COMMD8: variants seen among roughly 807,000 people sequenced by gnomAD.
The protein encoded by COMMD8 is COMM domain containing 8.
In COMMD8, 28 loss-of-function variants were observed where a neutral mutation model predicts 27.2. The observed-to-expected ratio is 1.03, with a 90% CI of 0.76 to 1.41. The LOEUF is 1.41. Ranked by LOEUF, COMMD8 falls within the 40% of genes most tolerant of loss-of-function variation. The pLI, the probability that COMMD8 is intolerant of heterozygous loss-of-function variation, is 0.00. For missense variants in COMMD8, 217 were observed against 211.2 expected, an observed-to-expected ratio of 1.03 and a Z score of -0.17; for synonymous variants, 79 against 75.5, an observed-to-expected ratio of 1.05 and a Z score of -0.24.
intron 1 of COMMD8, 71 bp downstream of exon 1, chr4:47,463,515 C>T (rs1730123280): frequency 4.8e-6 from 7 of 1,446,908 alleles, no homozygotes; most frequent in Non-Finnish European, 6.5e-6. Flanking sequence ...GGGTCGCACC[C>T]GGCCTGATCC....
Position 47,453,063 on chromosome 4 carries a change from T to C in COMMD8, c.527A>G (p.Asn176Ser), listed in dbSNP as rs778564004. Residue 176 changes from asparagine (N) to serine (S), a missense_variant, in exon 4 of 5, where the codon AAT (asparagine) becomes AGT (serine). Transcript: ENST00000381571. ...QNLIQSLEAA[N>S]KVVLQLK ...TGACAAAATTATAGCAAATACCTTA[T>C]TCGCTGCTTCCAAGGACTGTATTAG... 34 of 1,599,688 alleles carry C rather than the reference T, an allele frequency of 2.1e-5. No homozygotes were observed. The highest frequency in any genetic ancestry group is 2.6e-5 in the Non-Finnish European group (31 of 1,174,632).
chr4:47,463,272 A>G (rs1301083490), intron 1 of COMMD8, among the ~76,000 whole-genome samples: 2 of 152,140 alleles, frequency 1.3e-5, no homozygotes, highest in Admixed American at 1.3e-4. Context: ...TTGGGAGGTT[A>G]TGTGTTGAAT....
At chr4:47,463,551 G>C (rs568325979) in intron 1 of COMMD8, 35 bp downstream of exon 1, 112 of 1,534,348 alleles carry the variant, frequency 7.3e-5, no homozygotes, top group Middle Eastern at 2.2e-4. Flanking sequence ...GCGAATCCCA[G>C]GCCCCGCGCC....
intron 4 of COMMD8, 129 bp from the exon 5 acceptor site, chr4:47,451,794 T>C: frequency 3.2e-6 from 2 of 615,720 alleles, no homozygotes; most frequent in Non-Finnish European, 5.6e-6. Context: ...CAATGCACAG[T>C]AACTGATGAC....
At chr4:47,461,092 G>A (rs73813546) in intron 1 of COMMD8, among the ~76,000 whole-genome samples, 6,342 of 152,156 alleles carry the variant, frequency 0.042, 426 homozygotes, top group African/African-American at 0.14. Flanking sequence ...ATAAGAATAC[G>A]TGCAAATCAC....
Position 47,453,171 on chromosome 4 carries a change from AGTGGCATTC to A in COMMD8, c.410_418del (p.Arg137_Pro139del). 1 of 1,614,098 alleles carries A rather than the reference AGTGGCATTC, an allele frequency of 6.2e-7. No homozygotes were observed. The highest frequency in any genetic ancestry group is 8.5e-7 in the Non-Finnish European group (1 of 1,179,958). ...TTTTACATCTAGATGCAGGCTTAAA[AGTGGCATTC>A]GTAATGCAGCAATCTTGTCACTGGA... On this transcript the variant is annotated inframe_deletion, in exon 4 of 5. Coordinates refer to ENST00000381571, the MANE Select transcript of COMMD8 (RefSeq NM_017845.5).
chr4:47,460,796 G>A (rs1324684670), intron 1 of COMMD8, among the ~76,000 whole-genome samples: 3 of 151,956 alleles, frequency 2.0e-5, no homozygotes, highest in African/African-American at 4.8e-5. Flanking sequence ...GAGCACCACC[G>A]CACCCAGCTC....
At chr4:47,452,476 G>A (rs766671421) in intron 4 of COMMD8, among the ~76,000 whole-genome samples, 2 of 151,890 alleles carry the variant, frequency 1.3e-5, no homozygotes, top group Non-Finnish European at 2.9e-5. Flanking sequence ...TATCATTAAC[G>A]AGCATTGCAG....
At chr4:47,461,884 T>G (rs1468866610) in intron 1 of COMMD8, among the ~76,000 whole-genome samples, 13 of 152,194 alleles carry the variant, frequency 8.5e-5, no homozygotes, top group Admixed American at 7.9e-4. Flanking sequence ...ACATGTAATT[T>G]AGAATGATGG....
Position 47,463,567 on chromosome 4 carries a change from C to T in COMMD8, c.66+19G>A. 2 of 1,541,124 alleles carry T rather than the reference C, an allele frequency of 1.3e-6. No individual in the cohort carries two copies. The highest frequency in any genetic ancestry group is 1.7e-6 in the Non-Finnish European group (2 of 1,145,346). On this transcript the variant is annotated intron_variant, in intron 1 of 4. Coordinates refer to ENST00000381571, the MANE Select transcript of COMMD8 (RefSeq NM_017845.5). ...CGAATCCCAGGCCCCGCGCCGCTTC[C>T]CCCGGTACCCGCCCTCACCTGCGGG...
In COMMD8 at chr4:47,456,725, A is replaced by T. The variant is rs779220775; in HGVS notation, c.227T>A (p.Phe76Tyr). The T allele has an allele frequency of 4.5e-6, 7 of 1,565,384 alleles. No individual in the cohort carries two copies. Among genetic ancestry groups the T allele is most frequent in the Non-Finnish European group, 6.0e-6 (7 of 1,162,740 alleles). ...TGAATTCAACTGATTCAACTGCTGAAATATCTATAAAAATAAAAACAGGCA... is the reference window on the plus strand; with the variant it reads ...TGAATTCAACTGATTCAACTGCTGATATATCTATAAAAATAAAAACAGGCA... ...VGKNLPDEEI[F>Y]QQLNQLNSLH... The change falls in exon 3 of 5, where the codon TTT becomes TAT. Residue 76 changes from phenylalanine to tyrosine, a missense_variant. By Grantham distance (22) the Phe-to-Tyr change is conservative. Transcript: ENST00000381571.
intron 1 of COMMD8, among the ~76,000 whole-genome samples, chr4:47,460,826 T>C (rs1369306229): frequency 1.3e-5 from 2 of 152,290 alleles, no homozygotes; most frequent in East Asian, 3.9e-4. Context: ...TTTTGCTGTA[T>C]TCCCAGAAAG....
At chr4:47,457,642 T>C (rs62297858) in intron 2 of COMMD8, among the ~76,000 whole-genome samples, 16,673 of 152,084 alleles carry the variant, frequency 0.11, 972 homozygotes, top group East Asian at 0.13. Context: ...ATATTTTTAT[T>C]ACTGGGTAAT....
At chr4:47,451,843 A>G (rs1729761787) in intron 4 of COMMD8, among the ~76,000 whole-genome samples, 178 bp from the exon 5 acceptor site, 1 of 152,216 alleles carries the variant, frequency 6.6e-6, no homozygotes, top group Non-Finnish European at 1.5e-5. Flanking sequence ...ATCTGTTACC[A>G]TTTATATCGG....
chr4:47,454,851 C>T (rs542415194), intron 3 of COMMD8, among the ~76,000 whole-genome samples: 14 of 106,768 alleles, frequency 1.3e-4, no homozygotes, highest in Non-Finnish European at 2.1e-4. Context: ...GCACCAAGAG[C>T]GAAACTCCAT....
At chr4:47,460,071 AT>A in intron 2 of COMMD8, 72 bp downstream of exon 2, 2 of 1,248,318 alleles carry the variant, frequency 1.6e-6, no homozygotes, top group Admixed American at 4.0e-5. Context: ...TGTATTATAC[AT>A]TGCTCTAAAA....
At chr4:47,461,204 G>A (rs4635794) in intron 1 of COMMD8, among the ~76,000 whole-genome samples, 50,114 of 152,030 alleles carry the variant, frequency 0.33, 8,818 homozygotes, top group African/African-American at 0.46. Flanking sequence ...CATGCCTTCA[G>A]CATCTATTAA....
At chr4:47,456,878 A>G in intron 2 of COMMD8, 149 bp from the exon 3 acceptor site, 1 of 591,742 alleles carries the variant, frequency 1.7e-6, no homozygotes, top group South Asian at 2.7e-5. Context: ...AGAATGAATA[A>G]CCAGAAAATA....
chr4:47,452,643 A>C (rs1388975257), intron 4 of COMMD8, among the ~76,000 whole-genome samples: 1 of 152,234 alleles, frequency 6.6e-6, no homozygotes, highest in Non-Finnish European at 1.5e-5. Flanking sequence ...TAATTAACAT[A>C]AAACATCTGG....
Sources: allele counts gnomAD v4.1 joint callset (sites outside exome capture counted in the v4.1 genomes callset), GRCh38; gene constraint gnomAD v4.1.1; transcripts MANE v1.5; gene names NCBI Gene and HGNC (gene_info 2026-07-23, HGNC 2026-07-21).